Variants in ANK3 observed in about 807,000 individuals in gnomAD.
ANK3 encodes the protein ankyrin-3.
Under a neutral mutation model 370.9 loss-of-function variants are expected in ANK3, and 57 were observed. The observed-to-expected ratio is 0.15, with a 90% CI of 0.12 to 0.19. The LOEUF (loss-of-function observed/expected upper bound fraction) is 0.19, where lower values mean the gene tolerates loss of function less well. Ranked by LOEUF, ANK3 falls within the 10% of genes least tolerant of loss-of-function variation. The probability of loss-of-function intolerance (pLI) is 1.00; values close to 1 mark genes in which losing one functional copy is unlikely to be tolerated. For synonymous variants in ANK3, 1,929 were observed against 1,946.3 expected, an observed-to-expected ratio of 0.99 and a Z score of 0.23; for missense variants, 4,439 against 5,302.1, an observed-to-expected ratio of 0.84 and a Z score of 5.06.
chr10:60,695,194 G>T (rs2079427211), intron 1 of ANK3, among the ~76,000 whole-genome samples: 1 of 152,136 alleles, frequency 6.6e-6, no homozygotes, highest in African/African-American at 2.4e-5. Flanking sequence ...TCAACAAGAA[G>T]AGCTAACTAT....
intron 1 of ANK3, among the ~76,000 whole-genome samples, chr10:60,627,263 A>G (rs1486392630): frequency 1.3e-5 from 2 of 152,108 alleles, no homozygotes. Flanking sequence ...TGCAATTTCT[A>G]GAATGAACTG....
intron 1 of ANK3, among the ~76,000 whole-genome samples, chr10:60,329,311 G>T (rs1014631247): frequency 6.6e-6 from 1 of 152,020 alleles, no homozygotes; most frequent in Non-Finnish European, 1.5e-5. Flanking sequence ...AAGAAATAAA[G>T]GTATTCAAGT....
chr10:60,411,373 G>A (rs1186616127), intron 2 of ANK3, among the ~76,000 whole-genome samples: 1 of 152,206 alleles, frequency 6.6e-6, no homozygotes, highest in Admixed American at 6.5e-5. Flanking sequence ...CTTTAAGCCA[G>A]ATGAAGTTGT....
chr10:60,196,013 T>C (rs2096580798), intron 16 of ANK3, 132 bp downstream of exon 16: 5 of 685,704 alleles, frequency 7.3e-6, no homozygotes, highest in Non-Finnish European at 1.0e-5. Context: ...TGTCCTAAGG[T>C]GCTTCTATTT....
chr10:60,310,048 C>T (rs2046024314), intron 1 of ANK3, among the ~76,000 whole-genome samples: 1 of 151,346 alleles, frequency 6.6e-6, no homozygotes, highest in Admixed American at 6.6e-5. Flanking sequence ...GCTTCAGCTT[C>T]CCAAATGGCT....
rs114646009 is a variant in ANK3, at chr10:60,481,301, A to G, written c.96+133885T>C. 4.9e-3 allele frequency among the ~76,000 whole-genome samples: 748 copies of G among 152,272 alleles called. 4 individuals are homozygous for G. Among genetic ancestry groups the G allele is most frequent in the Non-Finnish European group, 6.2e-3 (423 of 68,012 alleles). ...GGAAATCCTACTGAACGACTGGCAC[A>G]AGGCAACATGAGCACATGTTTTCAA... On this transcript the variant is annotated intron_variant, in intron 2 of 43. Coordinates refer to the ANK3 transcript ENST00000373827.
chr10:60,288,927 C>T (rs1298012457), intron 1 of ANK3, among the ~76,000 whole-genome samples: 1 of 151,252 alleles, frequency 6.6e-6, no homozygotes, highest in African/African-American at 2.4e-5. Context: ...CACACACACA[C>T]GTCACAGCCA....
chr10:60,343,438 A>G (rs2061489), intron 1 of ANK3, among the ~76,000 whole-genome samples: 106,030 of 152,028 alleles, frequency 0.7, 38,261 homozygotes, highest in South Asian at 0.91. Context: ...TGGAAGAACC[A>G]AAATTTCAAA....
chr10:60,114,200 GAA>G, intron 26 of ANK3, 23 bp downstream of exon 26: 1 of 1,394,358 alleles, frequency 7.2e-7, no homozygotes, highest in Non-Finnish European at 1.0e-6. Flanking sequence ...GTAGGATAAT[GAA>G]AAGTGACATT....
At chr10:60,463,867 T>C (rs1485218025) in intron 2 of ANK3, among the ~76,000 whole-genome samples, 2 of 152,166 alleles carry the variant, frequency 1.3e-5, no homozygotes, top group African/African-American at 2.4e-5. Context: ...AAGGGAGCTT[T>C]TTGTATATCA....
At chr10:60,676,424 T>C (rs545014018) in intron 1 of ANK3, among the ~76,000 whole-genome samples, 2 of 152,314 alleles carry the variant, frequency 1.3e-5, no homozygotes, top group East Asian at 3.9e-4. Flanking sequence ...GCTAACTGAA[T>C]TATAAATTAA....
At chr10:60,614,698 C>T (rs367915167) in intron 2 of ANK3, among the ~76,000 whole-genome samples, 6 of 152,188 alleles carry the variant, frequency 3.9e-5, no homozygotes, top group African/African-American at 1.4e-4. Flanking sequence ...AGCTCTTTCA[C>T]TATTAAAATA....
intron 1 of ANK3, among the ~76,000 whole-genome samples, chr10:60,355,495 T>C (rs915450419): frequency 6.6e-6 from 1 of 152,186 alleles, no homozygotes; most frequent in African/African-American, 2.4e-5. Flanking sequence ...GCTAGGAGAT[T>C]GGGCAAAGTT....
chr10:60,205,310 T>C (rs1313021034), intron 11 of ANK3, among the ~76,000 whole-genome samples: 1 of 152,156 alleles, frequency 6.6e-6, no homozygotes, highest in East Asian at 1.9e-4. Flanking sequence ...CTCAGCACAT[T>C]TGACATTTTG....
intron 1 of ANK3, among the ~76,000 whole-genome samples, chr10:60,732,470 C>A (rs1263989492): frequency 2.0e-5 from 3 of 152,160 alleles, no homozygotes; most frequent in Non-Finnish European, 4.4e-5. Flanking sequence ...CTTGATGCAG[C>A]GGTTTTGCTC....
intron 1 of ANK3, among the ~76,000 whole-genome samples, chr10:60,628,149 C>T (rs1004614803): frequency 1.3e-5 from 2 of 152,122 alleles, no homozygotes; most frequent in African/African-American, 4.8e-5. Context: ...TACTCTTATC[C>T]TCAATTGATA....
chr10:60,644,890 T>TAAAAA (rs10686327), intron 1 of ANK3, among the ~76,000 whole-genome samples: 16,095 of 125,270 alleles, frequency 0.13, 1,435 homozygotes, highest in South Asian at 0.28. Context: ...AGTTTTAGTT[T>TAAAAA]AAAAAAAAAA....
chr10:60,713,692 C>A (rs2132017078), intron 1 of ANK3, among the ~76,000 whole-genome samples: 1 of 152,200 alleles, frequency 6.6e-6, no homozygotes, highest in East Asian at 1.9e-4. Context: ...GAGTTCACGA[C>A]CAGCCTGGCC....
chr10:60,157,547 A>C (rs2095371132), intron 23 of ANK3, among the ~76,000 whole-genome samples: 1 of 151,958 alleles, frequency 6.6e-6, no homozygotes. Flanking sequence ...ATGTTGCCCA[A>C]GCTAGCTCAA....
Sources: allele counts gnomAD v4.1 joint callset (sites outside exome capture counted in the v4.1 genomes callset), GRCh38; gene constraint gnomAD v4.1.1; transcripts MANE v1.5; gene names NCBI Gene and HGNC (gene_info 2026-07-23, HGNC 2026-07-21).